The following PIK3AP1 variants were observed in gnomAD, a reference collection of about 807,000 sequenced individuals.
PIK3AP1 encodes phosphoinositide-3-kinase adaptor protein 1, also known as phosphoinositide 3-kinase adapter protein 1.
Under a neutral mutation model 88.1 loss-of-function variants are expected in PIK3AP1, and 21 were observed. That is an observed-to-expected ratio of 0.24 (90% CI 0.17 to 0.34). The LOEUF (loss-of-function observed/expected upper bound fraction) is 0.34, where lower values mean the gene tolerates loss of function less well. Ranked by LOEUF, PIK3AP1 falls within the 10% of genes least tolerant of loss-of-function variation. PIK3AP1 has a pLI of 1.00. For synonymous variants in PIK3AP1, 398 were observed against 400.0 expected (o/e 1.00, Z 0.06); for missense variants, 828 against 1,035.7 (o/e 0.80, Z 2.75).
intron 2 of PIK3AP1, among the ~76,000 whole-genome samples, chr10:96,657,220 G>T (rs191193983): frequency 6.6e-6 from 1 of 152,086 alleles, no homozygotes; most frequent in African/African-American, 2.4e-5. Context: ...ATGGGTTTCC[G>T]GAAGCTTTAC....
chr10:96,661,821 ACAGGACAGG>A (rs1564975025), intron 2 of PIK3AP1, among the ~76,000 whole-genome samples: 4 of 147,388 alleles, frequency 2.7e-5, no homozygotes, highest in Non-Finnish European at 6.0e-5. Flanking sequence ...ACAGGACAGG[ACAGGACAGG>A]AAAGGAAAGG....
At chr10:96,708,215 T>A (rs1844389393) in intron 2 of PIK3AP1, among the ~76,000 whole-genome samples, 1 of 152,240 alleles carries the variant, frequency 6.6e-6, no homozygotes, top group East Asian at 1.9e-4. Context: ...ATATAAGATC[T>A]CATGTGGCAA....
intron 2 of PIK3AP1, among the ~76,000 whole-genome samples, chr10:96,701,826 T>A (rs1844301894): frequency 6.6e-6 from 1 of 152,202 alleles, no homozygotes; most frequent in African/African-American, 2.4e-5. Context: ...TATGAACATT[T>A]ATTGCAATAT....
intron 7 of PIK3AP1, among the ~76,000 whole-genome samples, chr10:96,647,822 A>G (rs926997798): frequency 4.6e-5 from 7 of 152,124 alleles, no homozygotes; most frequent in Admixed American, 2.6e-4. Context: ...ATTCTCAGGT[A>G]CCCTCTGGGA....
chr10:96,711,108 T>C (rs57710486), intron 1 of PIK3AP1, among the ~76,000 whole-genome samples: 20,971 of 152,218 alleles, frequency 0.14, 1,764 homozygotes, highest in East Asian at 0.25. Flanking sequence ...TAGGGATCAC[T>C]TGGCCCAAAC....
intron 8 of PIK3AP1, among the ~76,000 whole-genome samples, chr10:96,635,867 G>A (rs748652971): frequency 3.3e-5 from 5 of 151,280 alleles, no homozygotes; most frequent in African/African-American, 4.9e-5. Flanking sequence ...ATTGCACGAC[G>A]GCACTCCAGC....
At chr10:96,626,936 A>G in intron 9 of PIK3AP1, 31 bp from the exon 10 acceptor site, 1 of 1,582,210 alleles carries the variant, frequency 6.3e-7, no homozygotes, top group Non-Finnish European at 8.7e-7. Context: ...GACTGAAAGC[A>G]GTGGCCAAAC....
At chr10:96,620,632 G>A in intron 11 of PIK3AP1, 75 bp from the exon 12 acceptor site, 1 of 1,335,712 alleles carries the variant, frequency 7.5e-7, no homozygotes, top group Non-Finnish European at 1.1e-6. Context: ...CGGTTAATGA[G>A]GCTGGTCACA....
chr10:96,604,169 G>T (rs1848959707), intron 14 of PIK3AP1, 120 bp from the exon 15 acceptor site: 2 of 837,842 alleles, frequency 2.4e-6, no homozygotes, highest in Non-Finnish European at 3.5e-6. Context: ...TAAGTATGGG[G>T]TTCTTCAAAC....
At chr10:96,616,536 T>C (rs1382227477) in intron 13 of PIK3AP1, 103 bp downstream of exon 13, 1 of 1,204,168 alleles carries the variant, frequency 8.3e-7, no homozygotes, top group East Asian at 2.3e-5. Context: ...TGACGAGTGC[T>C]GGGCAAGTGG....
intron 2 of PIK3AP1, among the ~76,000 whole-genome samples, chr10:96,691,662 A>G (rs2134274413): frequency 6.6e-6 from 1 of 152,334 alleles, no homozygotes; most frequent in South Asian, 2.1e-4. Flanking sequence ...TGGTCTACCA[A>G]TAGAATGAAT....
chr10:96,647,026 G>C (rs1322250270), intron 7 of PIK3AP1, among the ~76,000 whole-genome samples: 1 of 152,152 alleles, frequency 6.6e-6, no homozygotes, highest in African/African-American at 2.4e-5. Context: ...TCTCACCTTT[G>C]GTTTTGATGT....
intron 2 of PIK3AP1, among the ~76,000 whole-genome samples, chr10:96,678,213 C>A (rs939579557): frequency 2.0e-5 from 3 of 152,094 alleles, no homozygotes; most frequent in Admixed American, 6.6e-5. Context: ...GTGGGCAGAT[C>A]ATCTGAGGTC....
chr10:96,638,522 C>T (rs1843344270), intron 8 of PIK3AP1, among the ~76,000 whole-genome samples: 1 of 151,458 alleles, frequency 6.6e-6, no homozygotes, highest in Non-Finnish European at 1.5e-5. Context: ...AATTAGAGGG[C>T]TAATGAGTGA....
chr10:96,652,550 G>A (rs1315109037), intron 4 of PIK3AP1, 148 bp downstream of exon 4: 6 of 950,658 alleles, frequency 6.3e-6, no homozygotes, highest in Non-Finnish European at 8.0e-6. Context: ...TCCAGCCTGG[G>A]AGACAGAGCG....
chr10:96,653,479 CTTTTTTTTTTTTT>C (rs748930022), intron 3 of PIK3AP1, among the ~76,000 whole-genome samples: 1 of 61,858 alleles, frequency 1.6e-5, no homozygotes, highest in South Asian at 8.5e-4. Context: ...ACTTTATACA[CTTTTTTTTTTTTT>C]TTTTTTTTTT....
At chr10:96,642,444 C>A (rs1375011374) in intron 8 of PIK3AP1, among the ~76,000 whole-genome samples, 140 of 42,462 alleles carry the variant, frequency 3.3e-3, no homozygotes, top group African/African-American at 6.4e-3. Flanking sequence ...AAAAAAAAAA[C>A]AGAAAGAAAG....
intron 11 of PIK3AP1, among the ~76,000 whole-genome samples, chr10:96,623,125 C>T (rs4917744): frequency 0.25 from 38,379 of 152,012 alleles, 5,335 homozygotes; most frequent in African/African-American, 0.36. Context: ...ATCTCTTTCC[C>T]TCCCCCTTTA....
At chr10:96,616,800 C>A in intron 12 of PIK3AP1, 89 bp from the exon 13 acceptor site, 1 of 1,240,442 alleles carries the variant, frequency 8.1e-7, no homozygotes, top group Non-Finnish European at 1.2e-6. Flanking sequence ...ATGCTGTTTG[C>A]AGGGTATATC....
Sources: allele counts gnomAD v4.1 joint callset (sites outside exome capture counted in the v4.1 genomes callset), GRCh38; gene constraint gnomAD v4.1.1; transcripts MANE v1.5; gene names NCBI Gene and HGNC (gene_info 2026-07-23, HGNC 2026-07-21).